PCDHA3: variants seen among roughly 807,000 people sequenced by gnomAD.
PCDHA3 encodes the protein protocadherin alpha-3.
PCDHA3 carries 41 observed loss-of-function variants against 62.2 expected under a neutral mutation model. That is an observed-to-expected ratio of 0.66 (90% CI 0.51 to 0.86). The LOEUF (loss-of-function observed/expected upper bound fraction) is 0.86, where lower values mean the gene tolerates loss of function less well. PCDHA3 is among the 40% of genes least tolerant of loss of function. The pLI is 0.00. For missense variants in PCDHA3, 1,304 were observed against 1,241.2 expected (o/e 1.05, Z -0.76); for synonymous variants, 640 against 555.4 (o/e 1.15, Z -2.14).
intron 1 of PCDHA3, among the ~76,000 whole-genome samples, chr5:140,805,814 T>A (rs569949433): frequency 6.6e-6 from 1 of 152,128 alleles, no homozygotes; most frequent in Non-Finnish European, 1.5e-5. Context: ...ATAGAGGCTA[T>A]TGAAACACCA....
intron 1 of PCDHA3, chr5:140,834,258 C>CA (rs1772870639): frequency 5.3e-6 from 5 of 940,106 alleles, no homozygotes; most frequent in Non-Finnish European, 8.0e-6. Context: ...AAAGACGCTC[C>CA]ACTCTCTTTC....
chr5:140,995,379 G>T (rs1300023701), intron 3 of PCDHA3, among the ~76,000 whole-genome samples: 2 of 152,172 alleles, frequency 1.3e-5, no homozygotes, highest in East Asian at 1.9e-4. Context: ...CACGTACTGG[G>T]CAGGATAAAG....
chr5:140,853,659 A>T (rs1216918086), intron 1 of PCDHA3: 1 of 988,622 alleles, frequency 1.0e-6, no homozygotes, highest in African/African-American at 1.8e-5. Context: ...TGTTCCAGAC[A>T]AATTGGGGCC....
At position 140,843,574 on chromosome 5, in the gene PCDHA3, G is replaced by A. The variant is rs2150362915; in HGVS notation, c.2394+39983G>A. 1.8e-5 allele frequency: 28 copies of A among 1,595,908 alleles called. 3 individuals are homozygous for A. The highest frequency in any genetic ancestry group is 1.7e-4 in the Middle Eastern group (1 of 5,996). On this transcript the variant is annotated intron_variant, in intron 1 of 3. Coordinates refer to ENST00000522353, the MANE Select transcript of PCDHA3 (RefSeq NM_018906.3). ...GTGCGGTGGGGAGCTGGTCATACTCGCAACAACAGCCGCAGAGGGTGTGCT... is the reference window on the plus strand; with the variant it reads ...GTGCGGTGGGGAGCTGGTCATACTCACAACAACAGCCGCAGAGGGTGTGCT...
At chr5:140,904,116 T>C (rs1233566335) in intron 1 of PCDHA3, among the ~76,000 whole-genome samples, 3 of 152,180 alleles carry the variant, frequency 2.0e-5, no homozygotes, top group African/African-American at 7.2e-5. Context: ...TTGCTGAGAT[T>C]TTGGTGCACC....
At chr5:140,877,323 C>A in intron 1 of PCDHA3, 1 of 1,613,988 alleles carries the variant, frequency 6.2e-7, no homozygotes, top group Non-Finnish European at 8.5e-7. Context: ...CGGCGGTCGG[C>A]GCGCACATCC....
chr5:140,822,633 C>T (rs143650923), intron 1 of PCDHA3: 28 of 1,610,462 alleles, frequency 1.7e-5, no homozygotes, highest in African/African-American at 2.7e-5. Context: ...TTGTTCTTGA[C>T]GATGTAAAGT....
At chr5:140,830,423 C>G (rs782793834) in intron 1 of PCDHA3, 1 of 1,613,982 alleles carries the variant, frequency 6.2e-7, no homozygotes, top group East Asian at 2.2e-5. Context: ...CAGCCTTTCA[C>G]CTTGTCCTAT....
At chr5:140,926,738 G>T in intron 1 of PCDHA3, 1 of 1,162,106 alleles carries the variant, frequency 8.6e-7, no homozygotes, top group Non-Finnish European at 1.1e-6. Context: ...TTCGGGAGGC[G>T]CAACGTCGGC....
intron 3 of PCDHA3, among the ~76,000 whole-genome samples, chr5:141,007,395 C>CAAAAAAAAAAAAAA (rs35800918): frequency 1.1e-5 from 1 of 94,866 alleles, no homozygotes; most frequent in Non-Finnish European, 2.1e-5. Context: ...TACTAAAATA[C>CAAAAAAAAAAAAAA]AAAAAAAAAA....
chr5:140,904,901 T>C (rs782489947), intron 1 of PCDHA3, among the ~76,000 whole-genome samples: 9 of 152,224 alleles, frequency 5.9e-5, no homozygotes, highest in Non-Finnish European at 1.0e-4. Context: ...TTTGTTTTTC[T>C]TACTGATTTG....
At chr5:140,883,834 G>A (rs891069385) in intron 1 of PCDHA3, 1 of 1,612,658 alleles carries the variant, frequency 6.2e-7, no homozygotes, top group Non-Finnish European at 8.5e-7. Context: ...CGCTGCAGCC[G>A]TTGGACCACG....
At position 140,953,007 on chromosome 5, in the gene PCDHA3, T is replaced by C. The variant is rs186896706; in HGVS notation, c.2395-25942T>C. ...TCTCATGAGAACTCTCTCACTATTA[T>C]GAGAACAACATTAAGGGGGAAATCC... On this transcript the variant is annotated intron_variant, in intron 1 of 3. Transcript: ENST00000522353. 5.5e-4 allele frequency among the ~76,000 whole-genome samples: 84 copies of C among 152,242 alleles called. 1 individual carries two copies. In the East Asian group the frequency reaches 0.015, roughly 27 times the overall value.
chr5:140,824,215 A>C, intron 1 of PCDHA3: 2 of 1,576,994 alleles, frequency 1.3e-6, no homozygotes, highest in Non-Finnish European at 1.7e-6. Context: ...GTATTTAAAA[A>C]TTATGTCTTA....
intron 1 of PCDHA3, among the ~76,000 whole-genome samples, chr5:140,885,102 G>A (rs2060467065): frequency 6.6e-6 from 1 of 151,970 alleles, no homozygotes; most frequent in Non-Finnish European, 1.5e-5. Flanking sequence ...TCACATAAAT[G>A]CTTTTTTTAA....
intron 1 of PCDHA3, chr5:140,842,743 C>G: frequency 6.3e-7 from 1 of 1,595,140 alleles, no homozygotes; most frequent in Non-Finnish European, 8.6e-7. Flanking sequence ...GCTGCCACAT[C>G]TTCACGGTGT....
intron 1 of PCDHA3, chr5:140,966,987 C>T (rs782372991): frequency 6.2e-7 from 1 of 1,604,132 alleles, no homozygotes; most frequent in South Asian, 1.1e-5. Context: ...CGCTTGGGGC[C>T]GGGTTGCTTG....
intron 1 of PCDHA3, chr5:140,860,705 T>C (rs1444620274): frequency 6.6e-6 from 1 of 152,242 alleles, no homozygotes; most frequent in Non-Finnish European, 1.5e-5. Context: ...ATATTGTTGT[T>C]CTCCATGAAA....
chr5:140,827,891 A>C, intron 1 of PCDHA3: 1 of 712,378 alleles, frequency 1.4e-6, no homozygotes, highest in South Asian at 1.9e-5. Flanking sequence ...TTGATTTCTT[A>C]CCTTTTGGAG....
Sources: allele counts gnomAD v4.1 joint callset (sites outside exome capture counted in the v4.1 genomes callset), GRCh38; gene constraint gnomAD v4.1.1; transcripts MANE v1.5; gene names NCBI Gene and HGNC (gene_info 2026-07-23, HGNC 2026-07-21).